Variants in PRKN observed in about 807,000 individuals in gnomAD.
PRKN encodes the protein parkin RBR E3 ubiquitin protein ligase, also known as E3 ubiquitin-protein ligase parkin.
Under a neutral mutation model 59.5 loss-of-function variants are expected in PRKN, and 56 were observed. The ratio of observed to expected loss-of-function variants is 0.94; its 90% confidence interval spans 0.76 to 1.18. PRKN has a LOEUF of 1.18. PRKN is among the 50% of genes most tolerant of loss of function. The pLI, the probability that PRKN is intolerant of heterozygous loss-of-function variation, is 0.00. For missense variants in PRKN, 657 were observed against 596.4 expected (o/e 1.10, Z -1.06); for synonymous variants, 250 against 222.1 (o/e 1.13, Z -1.12).
At position 161,429,398 on chromosome 6, in the gene PRKN, T is replaced by G. The variant is rs914235373; in HGVS notation, c.1084-42521A>C. ...AGCAGTGCCCTAAGTGCTATTGCTC[T>G]ATGTGTGGGAAAACAGGCAACCTGG... On this transcript the variant is annotated intron_variant, in intron 9 of 11. Transcript: ENST00000366898. This position sits in a 1 kb window ranked among gnomAD's most constrained non-coding sequence, Gnocchi z 4.2. 6.6e-6 allele frequency among the ~76,000 whole-genome samples: 1 copy of G among 152,108 alleles called. No homozygotes were observed. Among genetic ancestry groups the G allele is most frequent in the Non-Finnish European group, 1.5e-5 (1 of 68,036 alleles).
At chr6:162,145,623 G>A (rs954299208) in intron 4 of PRKN, among the ~76,000 whole-genome samples, 1 of 152,154 alleles carries the variant, frequency 6.6e-6, no homozygotes. Flanking sequence ...GTGTGGGAGT[G>A]GGTGAAGCAG....
intron 1 of PRKN, among the ~76,000 whole-genome samples, chr6:162,688,157 G>T (rs1312824486): frequency 6.6e-6 from 1 of 152,012 alleles, no homozygotes; most frequent in Non-Finnish European, 1.5e-5. Context: ...TTTATATATG[G>T]ATAAATCTCA....
At chr6:161,948,599 T>C (rs931587593) in intron 6 of PRKN, among the ~76,000 whole-genome samples, 4 of 152,150 alleles carry the variant, frequency 2.6e-5, no homozygotes, top group African/African-American at 9.7e-5. Flanking sequence ...AACTGTTCTC[T>C]GTGGAAAATC....
intron 1 of PRKN, among the ~76,000 whole-genome samples, chr6:162,716,861 C>CA (rs1045018085): frequency 1.3e-5 from 2 of 152,074 alleles, no homozygotes. Context: ...TCACAATAGG[C>CA]AAAAATCAAG....
At position 161,497,785 on chromosome 6, in the gene PRKN, G is replaced by A. The variant is rs1777811193; in HGVS notation, c.1083+51069C>T. Among the ~76,000 whole-genome samples, 1 of 152,184 alleles carries A rather than the reference G, an allele frequency of 6.6e-6. No individual in the cohort carries two copies. Among genetic ancestry groups the A allele is most frequent in the Non-Finnish European group, 1.5e-5 (1 of 68,038 alleles). Reference sequence around the variant, plus strand: ...CTGGTTCTGTTGCCAAGGTGGGTGGGAAGTCGGCAGCAGGGATCAGTAGCT... The same window carrying A: ...CTGGTTCTGTTGCCAAGGTGGGTGGAAAGTCGGCAGCAGGGATCAGTAGCT... On this transcript the variant is annotated intron_variant, in intron 9 of 11. Transcript: ENST00000366898. This position sits in a 1 kb window ranked among gnomAD's most constrained non-coding sequence, Gnocchi z 4.6.
At chr6:162,361,547 G>A (rs918252291) in intron 2 of PRKN, among the ~76,000 whole-genome samples, 1 of 152,088 alleles carries the variant, frequency 6.6e-6, no homozygotes, top group South Asian at 2.1e-4. Context: ...AAACATGTGC[G>A]TTTAAGTGCC....
In PRKN at chr6:161,451,568, A is replaced by C. The variant is rs1345672676; in HGVS notation, c.1084-64691T>G. On this transcript the variant is annotated intron_variant, in intron 9 of 11. Coordinates refer to ENST00000366898, the MANE Select transcript of PRKN (RefSeq NM_004562.3). The surrounding 1 kb of genome is among the most constrained non-coding windows in gnomAD (Gnocchi z 5.9). ...CTCCCAGAGGGACCTACCCAGTCCC[A>C]AAGCTGAGGCACCACCCATCCTTGA... Among the ~76,000 whole-genome samples, 1 of 152,234 alleles carries C rather than the reference A, an allele frequency of 6.6e-6. No individual in the cohort carries two copies. The highest frequency in any genetic ancestry group is 1.5e-5 in the Non-Finnish European group (1 of 68,048).
At chr6:161,472,384 C>T (rs1328055413) in intron 9 of PRKN, among the ~76,000 whole-genome samples, 1 of 152,002 alleles carries the variant, frequency 6.6e-6, no homozygotes, top group Non-Finnish European at 1.5e-5. Context: ...TTGACAAAGG[C>T]ACCAAGAAGA....
chr6:162,506,228 C>A (rs1039778204), intron 1 of PRKN, among the ~76,000 whole-genome samples: 3 of 130,424 alleles, frequency 2.3e-5, no homozygotes, highest in African/African-American at 6.0e-5. Context: ...GACAACAGAA[C>A]CCTTGGGAAA....
chr6:161,535,433 A>G (rs1779377031), intron 9 of PRKN, among the ~76,000 whole-genome samples: 2 of 152,242 alleles, frequency 1.3e-5, no homozygotes, highest in African/African-American at 4.8e-5. Context: ...CTGAGACTGC[A>G]CACAAGTGAA....
intron 6 of PRKN, among the ~76,000 whole-genome samples, chr6:161,893,732 GATCCCATCCA>G (rs1266108949): frequency 6.6e-6 from 1 of 152,164 alleles, no homozygotes; most frequent in African/African-American, 2.4e-5. Context: ...TGATAACAAT[GATCCCATCCA>G]GTCCCAGCCA....
At chr6:161,818,941 A>G (rs886165420) in intron 6 of PRKN, among the ~76,000 whole-genome samples, 1 of 152,156 alleles carries the variant, frequency 6.6e-6, no homozygotes, top group African/African-American at 2.4e-5. Flanking sequence ...GGCCTTATCC[A>G]TCTAACATGT....
chr6:162,179,459 T>A (rs1329516496), intron 4 of PRKN, among the ~76,000 whole-genome samples: 1 of 152,160 alleles, frequency 6.6e-6, no homozygotes, highest in East Asian at 1.9e-4. Context: ...CGGCAGCTGC[T>A]GTGTTTCCTC....
At chr6:161,422,309 C>A (rs1182586562) in intron 9 of PRKN, among the ~76,000 whole-genome samples, 1 of 151,528 alleles carries the variant, frequency 6.6e-6, no homozygotes, top group Non-Finnish European at 1.5e-5. Flanking sequence ...AGTGGTTCTC[C>A]TGCTTCAGCC....
intron 6 of PRKN, among the ~76,000 whole-genome samples, chr6:161,835,620 G>T (rs946250358): frequency 1.3e-5 from 2 of 152,186 alleles, no homozygotes; most frequent in Non-Finnish European, 2.9e-5. Context: ...TCCACGCCGG[G>T]GATAGGCGGC....
intron 6 of PRKN, among the ~76,000 whole-genome samples, chr6:161,854,936 C>T (rs1012998488): frequency 2.0e-5 from 3 of 151,514 alleles, no homozygotes; most frequent in Non-Finnish European, 2.9e-5. Flanking sequence ...TATAAAAATT[C>T]GCTGGGCAGG....
rs1790531016 is a variant in PRKN at position 161,467,404 on chromosome 6, G to T, written c.1084-80527C>A. Among the ~76,000 whole-genome samples, 1 of 152,164 alleles carries T rather than the reference G, an allele frequency of 6.6e-6. No individual in the cohort carries two copies. The highest frequency in any genetic ancestry group is 2.4e-5 in the African/African-American group (1 of 41,424). On this transcript the variant is annotated intron_variant, in intron 9 of 11. Coordinates refer to ENST00000366898, the MANE Select transcript of PRKN (RefSeq NM_004562.3). The surrounding 1 kb of genome is among the most constrained non-coding windows in gnomAD (Gnocchi z 4.3). The stretch of plus-strand genomic sequence containing the variant: ...GTTATTAACTGATAAGTTCAGTCCA[G>T]CACACACTTACCAAGTTCTTGTATG...
At chr6:162,221,263 C>T (rs986595790) in intron 3 of PRKN, among the ~76,000 whole-genome samples, 3 of 152,158 alleles carry the variant, frequency 2.0e-5, no homozygotes, top group African/African-American at 4.8e-5. Flanking sequence ...CTTGCATTTG[C>T]TGCTAGTTGA....
At chr6:161,793,854 T>C (rs1790733745) in intron 6 of PRKN, among the ~76,000 whole-genome samples, 1 of 152,210 alleles carries the variant, frequency 6.6e-6, no homozygotes, top group African/African-American at 2.4e-5. Flanking sequence ...ATTATGAAAA[T>C]ATAAATTCTC....
Sources: allele counts gnomAD v4.1 joint callset (sites outside exome capture counted in the v4.1 genomes callset), GRCh38; gene constraint gnomAD v4.1.1; non-coding constraint Gnocchi (gnomAD v3.1); transcripts MANE v1.5; gene names NCBI Gene and HGNC (gene_info 2026-07-23, HGNC 2026-07-21).